The following ZNF816 variants were observed in gnomAD, a reference collection of about 807,000 sequenced individuals.
ZNF816 encodes zinc finger protein 816A.
ZNF816 carries 11 observed loss-of-function variants against 8.3 expected under a neutral mutation model. The observed-to-expected ratio is 1.32, with a 90% CI of 0.83 to 2.19. The LOEUF is 2.19. Among genes scored for constraint, ZNF816 ranks in the 30% most tolerant of loss-of-function variants. The pLI is 0.00. For synonymous variants in ZNF816, 255 were observed against 254.5 expected (o/e 1.00, Z -0.02); for missense variants, 710 against 779.3 (o/e 0.91, Z 1.06).
At position 52,950,192 on chromosome 19, in the gene ZNF816, CTA is replaced by C. The variant is rs1568435333; in HGVS notation, c.1581_1582del (p.His527GlnfsTer13). On this transcript the variant is annotated frameshift_variant, in exon 4 of 4. Coordinates refer to ENST00000444460, the MANE Select transcript of ZNF816 (RefSeq NM_001202457.3). LOFTEE classifies it low-confidence loss of function (END_TRUNC). Reference sequence around the variant, plus strand: ...TGGTTTTTCCCCAGTATGAATTCTCCTATGTCTTTCAAGGTGTGATCTGCGAC... The same window carrying C: ...TGGTTTTTCCCCAGTATGAATTCTCCTGTCTTTCAAGGTGTGATCTGCGAC... 2.5e-6 allele frequency: 4 copies of C among 1,613,722 alleles called. No individual in the cohort carries two copies. Among genetic ancestry groups the C allele is most frequent in the South Asian group, 2.2e-5 (2 of 91,054 alleles).
chr19:52,960,158 G>T, intron 1 of ZNF816: 1 of 189,104 alleles, frequency 5.3e-6, no homozygotes, highest in Non-Finnish European at 1.1e-5. Flanking sequence ...CGCCAAAACC[G>T]TGGCACAGCG....
Position 52,953,531 on chromosome 19 carries a change from T to TTTA in ZNF816, c.64-655_64-654insTAA, listed in dbSNP as rs2083481075. The TTTA allele has an allele frequency of 1.9e-4, 10 of 52,488 alleles. No homozygotes were observed. The African/African-American group carries it at 2.4e-3, about 12-fold the overall frequency. 3.3% of individuals were successfully genotyped at this position (52,488 alleles called of 1,614,324 possible). A position where few individuals can be genotyped will look rare whatever the true frequency, so the allele number is the denominator to read the frequency against. On this transcript the variant is annotated intron_variant, in intron 2 of 3. Transcript: ENST00000444460. The stretch of plus-strand genomic sequence containing the variant: ...TTATATATAATATATATTTATAATA[T>TTTA]ATAATATATAATACAATATTATATA...
intron 2 of ZNF816, among the ~76,000 whole-genome samples, chr19:52,954,055 A>T (rs1166756212): frequency 1.3e-5 from 2 of 151,400 alleles, no homozygotes; most frequent in Non-Finnish European, 2.9e-5. Context: ...AAAAAAAAAA[A>T]AAGGTATATA....
Position 52,950,895 on chromosome 19 carries a change from A to C in ZNF816, c.880T>G (p.Phe294Val). 6.2e-7 allele frequency: 1 copy of C among 1,614,182 alleles called. No homozygotes were observed. The highest frequency in any genetic ancestry group is 1.1e-5 in the South Asian group (1 of 91,078). Residue 294 changes from phenylalanine (F) to valine (V), a missense_variant, in exon 4 of 4, where the codon TTC (phenylalanine) becomes GTC (valine). Transcript: ENST00000444460. ...CATACAAGGGATGACATCTGAGTGA[A>C]GGTCTTCCCACACTCATTACACTTG... ...TYKCNECGKT[F>V]TQMSSLVCHR...
At chr19:52,952,026 T>C (rs1600719224) in intron 3 of ZNF816, 3 of 396,666 alleles carry the variant, frequency 7.6e-6, no homozygotes, top group African/African-American at 4.1e-5. Flanking sequence ...GTTTATGTGA[T>C]GAACACTGTC....
At chr19:52,951,767 G>A (rs2083462638) in intron 3 of ZNF816, 183 bp from the exon 4 acceptor site, 2 of 599,762 alleles carry the variant, frequency 3.3e-6, no homozygotes. Flanking sequence ...TCATGGTGGT[G>A]GGTGCCTGTA....
Position 52,949,823 on chromosome 19 carries a change from A to C in ZNF816, c.1952T>G (p.Met651Arg), listed in dbSNP as rs781147714. The change falls in exon 4 of 4, where the codon ATG (methionine) becomes AGG (arginine). Residue 651 changes from methionine (M) to arginine (R), a missense_variant. By Grantham distance (91) the Met-to-Arg change is moderately conservative (BLOSUM62 -1). Coordinates refer to ENST00000444460, the MANE Select transcript of ZNF816 (RefSeq NM_001202457.3). The part of the protein sequence containing the change: ...AIHGCRETLQ[M>R] The stretch of plus-strand genomic sequence containing the variant: ...CTGAAGACTTTGTGACAATCATTAC[A>C]TTTGTAAAGTTTCCCTACACCCATG... The C allele has an allele frequency of 7.4e-6, 12 of 1,613,510 alleles. No individual in the cohort carries two copies. Among genetic ancestry groups the C allele is most frequent in the East Asian group, 2.2e-5 (1 of 44,872 alleles).
At chr19:52,961,685 C>T in intron 1 of ZNF816, among the ~76,000 whole-genome samples, 1 of 152,230 alleles carries the variant, frequency 6.6e-6, no homozygotes, top group East Asian at 1.9e-4. Context: ...CTTTCCCAAA[C>T]CAGTGTTTCA....
At chr19:52,952,041 T>C (rs1230619234) in intron 3 of ZNF816, 2 of 395,740 alleles carry the variant, frequency 5.1e-6, no homozygotes, top group African/African-American at 4.1e-5. Flanking sequence ...ACTGTCACAG[T>C]GCTAGTGAGA....
intron 1 of ZNF816, among the ~76,000 whole-genome samples, chr19:52,961,191 T>C (rs965476792): frequency 4.3e-4 from 65 of 152,240 alleles, no homozygotes; most frequent in African/African-American, 1.5e-3. Flanking sequence ...TTATAACCCA[T>C]CTAAGCCTCC....
chr19:52,951,400 A>G lies in ZNF816; in HGVS notation c.375T>C (p.His125=), dbSNP rs760777485. 3.0e-5 allele frequency: 49 copies of G among 1,613,924 alleles called. No homozygotes were observed. The South Asian group carries it at 5.3e-4, about 17-fold the overall frequency. The stretch of plus-strand genomic sequence containing the variant: ...TTTTGATTTTTGTCATGGGTGCTTC[A>G]TGGCCATTTCTTTCAACTTCTTGCC... The part of the protein sequence containing the change: ...FQWQEVERNG[H]EAPMTKIKKL... The change falls in exon 4 of 4, where the codon CAT becomes CAC. Residue 125 remains histidine, a synonymous_variant. Coordinates refer to ENST00000444460, the MANE Select transcript of ZNF816 (RefSeq NM_001202457.3).
At chr19:52,960,659 C>T (rs1020253425) in intron 1 of ZNF816, among the ~76,000 whole-genome samples, 1 of 152,180 alleles carries the variant, frequency 6.6e-6, no homozygotes, top group African/African-American at 2.4e-5. Flanking sequence ...TCTTTCTCCC[C>T]GGGTGATTGA....
intron 2 of ZNF816, among the ~76,000 whole-genome samples, chr19:52,954,552 G>C (rs1201008881): frequency 6.6e-6 from 1 of 151,620 alleles, no homozygotes; most frequent in Non-Finnish European, 1.5e-5. Flanking sequence ...CAGACCGGGA[G>C]CAGGGCTCAC....
rs1363195574 is a variant in ZNF816 at position 52,950,868 on chromosome 19, G to A, written c.907C>T (p.His303Tyr). The A allele has an allele frequency of 6.2e-7, 1 of 1,614,000 alleles. No individual in the cohort carries two copies. The highest frequency in any genetic ancestry group is 8.5e-7 in the Non-Finnish European group (1 of 1,180,038). Reference protein sequence around the residue: ...TFTQMSSLVCHRRLHTGEKPY... With the variant: ...TFTQMSSLVCYRRLHTGEKPY... ...TTCTCTCCAGTATGAAGTCTACGAT[G>A]GCATACAAGGGATGACATCTGAGTG... Residue 303 changes from histidine (H) to tyrosine (Y), a missense_variant, in exon 4 of 4, where the codon CAT (histidine) becomes TAT (tyrosine). Coordinates refer to ENST00000444460, the MANE Select transcript of ZNF816 (RefSeq NM_001202457.3).
Position 52,950,917 on chromosome 19 carries a change from C to T in ZNF816, c.858G>A (p.Lys286=). ...HRCHTGEKTY[K]CNECGKTFTQ... ...TGAAGGTCTTCCCACACTCATTACA[C>T]TTGTAAGTTTTCTCACCAGTGTGAC... is the stretch of plus-strand genomic sequence containing the variant. Residue 286 remains lysine (K), a synonymous_variant, in exon 4 of 4, where the codon AAG becomes AAA. Coordinates refer to ENST00000444460, the MANE Select transcript of ZNF816 (RefSeq NM_001202457.3). 2 of 1,614,172 alleles carry T rather than the reference C, an allele frequency of 1.2e-6. No individual in the cohort carries two copies. The highest frequency in any genetic ancestry group is 1.7e-6 in the Non-Finnish European group (2 of 1,180,024).
chr19:52,953,734 A>ATT (rs2083485794), intron 2 of ZNF816, among the ~76,000 whole-genome samples: 1 of 122,690 alleles, frequency 8.2e-6, no homozygotes, highest in Non-Finnish European at 1.7e-5. Flanking sequence ...TATAATATAT[A>ATT]TTTTATATAT....
intron 1 of ZNF816, among the ~76,000 whole-genome samples, chr19:52,961,792 C>T (rs1466405630): frequency 6.6e-6 from 1 of 152,202 alleles, no homozygotes; most frequent in African/African-American, 2.4e-5. Flanking sequence ...CTCATTCCCT[C>T]AATGTTGCTT....
intron 1 of ZNF816, among the ~76,000 whole-genome samples, chr19:52,959,252 G>C (rs1016464139): frequency 6.6e-6 from 1 of 152,254 alleles, no homozygotes; most frequent in Non-Finnish European, 1.5e-5. Context: ...GCTAATGAAT[G>C]CTAGACTAAA....
At chr19:52,956,275 T>G in intron 1 of ZNF816, 171 bp from the exon 2 acceptor site, 1 of 697,722 alleles carries the variant, frequency 1.4e-6, no homozygotes, top group Non-Finnish European at 2.3e-6. Context: ...CCTACAAATG[T>G]AATTTTGACC....
Sources: gnomAD v4.1 joint callset for allele counts (sites outside exome capture counted in the v4.1 genomes callset) on GRCh38, gnomAD v4.1.1 for gene constraint, MANE v1.5 for transcripts, NCBI Gene and HGNC (gene_info 2026-07-23, HGNC 2026-07-21) for gene names.